The following MEF2D variants were observed in gnomAD, a reference collection of about 807,000 sequenced individuals.
MEF2D encodes the protein myocyte enhancer factor 2D, also known as myocyte-specific enhancer factor 2D.
In MEF2D, 10 loss-of-function variants were observed where a neutral mutation model predicts 59.3. The ratio of observed to expected loss-of-function variants is 0.17; its 90% CI spans 0.10 to 0.29. The LOEUF (loss-of-function observed/expected upper bound fraction) is 0.29, where lower values mean the gene tolerates loss of function less well. Ranked by LOEUF, MEF2D falls within the 10% of genes least tolerant of loss-of-function variation. The pLI is 1.00. For missense variants in MEF2D, 508 were observed against 699.4 expected, an observed-to-expected ratio of 0.73 and a Z score of 3.09; for synonymous variants, 305 against 295.0, an observed-to-expected ratio of 1.03 and a Z score of -0.35.
In MEF2D at chr1:156,468,082, C is replaced by G. The variant is rs370914531; in HGVS notation, c.1465G>C (p.Asp489His). The change falls in exon 11 of 12, where the codon GAC (aspartate) becomes CAC (histidine). Residue 489 changes from aspartate to histidine, a missense_variant. This residue lies in a region of MEF2D where 481 missense variants were observed against 584.7 expected (regional missense o/e 0.82). Coordinates refer to ENST00000348159, the MANE Select transcript of MEF2D (RefSeq NM_005920.4). This position sits in a 1 kb window ranked among gnomAD's most constrained non-coding sequence, Gnocchi z 4.3. ...AGCAGGCCCAGTGTGGGCCCGAAGT[C>G]CCCCCGTCCGTCATCCCGGTCTCCC... ...ETGDRDDGRG[D>H]FGPTLGLLRP... is the part of the protein sequence containing the mutation. The G allele has an allele frequency of 3.6e-5, 58 of 1,614,062 alleles. No individual in the cohort carries two copies. Among genetic ancestry groups the G allele is most frequent in the Non-Finnish European group, 4.5e-5 (53 of 1,179,986 alleles).
Position 156,493,457 on chromosome 1 carries a change from C to G in MEF2D, c.-139+7029G>C, listed in dbSNP as rs532558289. 5.1e-3 allele frequency among the ~76,000 whole-genome samples: 781 copies of G among 152,174 alleles called. 6 individuals carry two copies. The highest frequency in any genetic ancestry group is 0.018 in the African/African-American group (756 of 41,490). ...GGAGGGAGGGCGGGCATTGTGGCTG[C>G]GTGGGCCTGCTGAGGCGGCCAGCCA... On this transcript the variant is annotated intron_variant, in intron 1 of 11. Coordinates refer to ENST00000348159, the MANE Select transcript of MEF2D (RefSeq NM_005920.4).
intron 1 of MEF2D, chr1:156,490,393 C>G (rs2102226333): frequency 6.6e-6 from 1 of 152,598 alleles, no homozygotes; most frequent in East Asian, 1.9e-4. Flanking sequence ...GGCTCACTAC[C>G]CAAATCCCTG....
intron 1 of MEF2D, among the ~76,000 whole-genome samples, chr1:156,494,700 G>A (rs1166982106): frequency 6.6e-6 from 1 of 152,208 alleles, no homozygotes; most frequent in African/African-American, 2.4e-5. Flanking sequence ...CACTTTTTCT[G>A]GCGGAAACTC....
At chr1:156,475,531 G>A (rs1302545002) in intron 8 of MEF2D, among the ~76,000 whole-genome samples, 1 of 152,246 alleles carries the variant, frequency 6.6e-6, no homozygotes, top group Non-Finnish European at 1.5e-5. Flanking sequence ...TCCCAGTGCA[G>A]AGTGAGGGAA....
intron 1 of MEF2D, among the ~76,000 whole-genome samples, chr1:156,498,128 C>A (rs967420743): frequency 4.6e-4 from 55 of 119,568 alleles, no homozygotes; most frequent in African/African-American, 2.5e-3. Flanking sequence ...AAAAAAAAAA[C>A]CCTGCTACAG....
At chr1:156,469,732 T>G (rs1671108721) in intron 9 of MEF2D, among the ~76,000 whole-genome samples, 1 of 151,950 alleles carries the variant, frequency 6.6e-6, no homozygotes, top group Non-Finnish European at 1.5e-5. Flanking sequence ...TACAAATAGC[T>G]TAAAAATTAG....
intron 1 of MEF2D, among the ~76,000 whole-genome samples, chr1:156,492,801 T>C (rs1571269438): frequency 6.6e-6 from 1 of 152,182 alleles, no homozygotes; most frequent in African/African-American, 2.4e-5. Flanking sequence ...AAGTGGCAGC[T>C]GGGGCCTTGG....
chr1:156,481,476 G>A (rs1672015020), intron 3 of MEF2D, among the ~76,000 whole-genome samples: 1 of 152,166 alleles, frequency 6.6e-6, no homozygotes, highest in Non-Finnish European at 1.5e-5. Flanking sequence ...AGAGAGCGGG[G>A]AATGGGATGT....
chr1:156,476,150 G>A (rs1671560721), intron 8 of MEF2D, among the ~76,000 whole-genome samples: 1 of 152,228 alleles, frequency 6.6e-6, no homozygotes, highest in African/African-American at 2.4e-5. Flanking sequence ...CCCTAGTCCA[G>A]GGCCTAGTCC....
In MEF2D at chr1:156,464,002, C is replaced by CT. The variant is rs1670681215; in HGVS notation, c.*3642dup. 6.6e-6 allele frequency: 1 copy of CT among 152,666 alleles called. No individual in the cohort carries two copies. Among genetic ancestry groups the CT allele is most frequent in the Non-Finnish European group, 1.5e-5 (1 of 68,064 alleles). 9.5% of individuals were successfully genotyped at this position (152,666 alleles called of 1,614,324 possible). On this transcript the variant is annotated 3_prime_UTR_variant, in exon 12 of 12. Transcript: ENST00000348159. ...GGGTGGGGCACCTCCATGGCCCATC[C>CT]TGCCCCTCCCTTCCTCTTCCTCACC...
chr1:156,494,059 A>C (rs35592793), intron 1 of MEF2D, among the ~76,000 whole-genome samples: 11,660 of 152,194 alleles, frequency 0.077, 629 homozygotes, highest in Non-Finnish European at 0.12. Context: ...AGGTGACAGG[A>C]AAGTCTGAGA....
At chr1:156,479,223 T>C in intron 6 of MEF2D, 67 bp downstream of exon 6, 1 of 1,397,834 alleles carries the variant, frequency 7.2e-7, no homozygotes, top group East Asian at 2.4e-5. Context: ...TCCTGATCCT[T>C]GGACCCCCTG....
At position 156,464,625 on chromosome 1, in the gene MEF2D, G is replaced by C. The variant is rs1670727330; in HGVS notation, c.*3020C>G. On this transcript the variant is annotated 3_prime_UTR_variant, in exon 12 of 12. Coordinates refer to ENST00000348159, the MANE Select transcript of MEF2D (RefSeq NM_005920.4). ...ACATTAAGTCCTCATCTGAGGTCTG[G>C]GTTCCCAGGGACCCATTCATCTGGC... 6.6e-6 allele frequency: 1 copy of C among 152,120 alleles called. No homozygotes were observed. Among genetic ancestry groups the C allele is most frequent in the South Asian group, 2.1e-4 (1 of 4,822 alleles). 9.4% of individuals were successfully genotyped at this position (152,120 alleles called of 1,614,324 possible).
rs28730744 is a variant in MEF2D, at chr1:156,483,304, G to C, written c.-12C>G. On this transcript the variant is annotated 5_prime_UTR_variant, in exon 2 of 12. Coordinates refer to ENST00000348159, the MANE Select transcript of MEF2D (RefSeq NM_005920.4). The stretch of plus-strand genomic sequence containing the variant: ...TTTTTCCTCCCCATCTTCTCCGGGG[G>C]TCCTCAGTGCTACGGAGGGGAGGGG... The C allele has an allele frequency of 9.9e-6, 16 of 1,613,914 alleles. No individual in the cohort carries two copies. The highest frequency in any genetic ancestry group is 8.5e-7 in the Non-Finnish European group (1 of 1,179,946).
At chr1:156,469,580 T>C (rs1671091237) in intron 9 of MEF2D, among the ~76,000 whole-genome samples, 1 of 127,832 alleles carries the variant, frequency 7.8e-6, no homozygotes, top group Non-Finnish European at 1.6e-5. Context: ...TTAAAAATAG[T>C]GTTGAACTTA....
Position 156,475,178 on chromosome 1 carries a change from AACC to A in MEF2D, c.933_935del (p.Val312del), listed in dbSNP as rs1671485715. 2 of 1,614,048 alleles carry A rather than the reference AACC, an allele frequency of 1.2e-6. No homozygotes were observed. Among genetic ancestry groups the A allele is most frequent in the Admixed American group, 3.3e-5 (2 of 60,002 alleles). The stretch of plus-strand genomic sequence containing the variant: ...TGAGTAAACTCGGCGTTGCCACAGA[AACC>A]ACTGGGGTGGTGAGCGAATGAGTAG... On this transcript the variant is annotated inframe_deletion, in exon 9 of 12. Transcript: ENST00000348159.
At chr1:156,469,549 C>T (rs1671089259) in intron 9 of MEF2D, among the ~76,000 whole-genome samples, 1 of 150,208 alleles carries the variant, frequency 6.7e-6, no homozygotes, top group South Asian at 2.1e-4. Flanking sequence ...TGAGCCACCG[C>T]ATCCGACCAA....
At chr1:156,467,678 AAGGGGGTGTG>A (rs760828885) in intron 11 of MEF2D, 22 bp from the exon 12 acceptor site, 1 of 1,344,102 alleles carries the variant, frequency 7.4e-7, no homozygotes, top group African/African-American at 1.5e-5. Flanking sequence ...GGAGATGGAG[AAGGGGGTGTG>A]AGGGGGTGGC....
intron 1 of MEF2D, among the ~76,000 whole-genome samples, chr1:156,486,194 G>T (rs1672345232): frequency 6.6e-6 from 1 of 152,066 alleles, no homozygotes. Flanking sequence ...GCAGACACCT[G>T]AGCCCCAAAC....
Sources: allele counts gnomAD v4.1 joint callset (sites outside exome capture counted in the v4.1 genomes callset), GRCh38; gene constraint gnomAD v4.1.1; regional missense constraint gnomAD v4.1.1; non-coding constraint Gnocchi (gnomAD v3.1); transcripts MANE v1.5; gene names NCBI Gene and HGNC (gene_info 2026-07-23, HGNC 2026-07-21).